Variants in JHY observed in about 807,000 individuals in gnomAD.
The protein encoded by JHY is jhy protein homolog.
A neutral mutation model predicts 78.0 loss-of-function variants in JHY; 69 were observed. That is an observed-to-expected ratio of 0.88 (90% CI 0.73 to 1.08). The LOEUF (loss-of-function observed/expected upper bound fraction) is 1.08, where lower values mean the gene tolerates loss of function less well. Ranked by LOEUF, JHY falls within the 50% of genes least tolerant of loss-of-function variation. The probability of loss-of-function intolerance (pLI) is 0.00; values close to 1 mark genes in which losing one functional copy is unlikely to be tolerated. For missense variants in JHY, 944 were observed against 927.8 expected, an observed-to-expected ratio of 1.02 and a Z score of -0.23; for synonymous variants, 368 against 342.6, an observed-to-expected ratio of 1.07 and a Z score of -0.82.
chr11:122,904,246 G>GAGC lies in JHY; in HGVS notation c.670_672dup (p.Ser224dup). The GAGC allele has an allele frequency of 6.2e-7, 1 of 1,614,146 alleles. No individual in the cohort carries two copies. The highest frequency in any genetic ancestry group is 1.1e-5 in the South Asian group (1 of 91,084). On this transcript the variant is annotated inframe_insertion, in exon 3 of 9. Coordinates refer to ENST00000227349, the MANE Select transcript of JHY (RefSeq NM_024806.4). The stretch of plus-strand genomic sequence containing the variant: ...GCGACAGTGACCTGGAGGAGAAGTC[G>GAGC]AGCAGCCTTTCTCCGTACGTGAAGA...
At chr11:122,892,992 C>T (rs981511367) in intron 2 of JHY, among the ~76,000 whole-genome samples, 8 of 152,162 alleles carry the variant, frequency 5.3e-5, no homozygotes, top group African/African-American at 1.2e-4. Context: ...TAGGAGCTTT[C>T]AGGAGTCAAC....
chr11:122,884,143 T>G (rs553477413), intron 1 of JHY, among the ~76,000 whole-genome samples: 1 of 152,310 alleles, frequency 6.6e-6, no homozygotes, highest in Admixed American at 6.5e-5. Context: ...TATTAGAGAA[T>G]AATATGTTAG....
Position 122,934,758 on chromosome 11 carries a change from C to T in JHY, c.1317C>T (p.Ser439=), listed in dbSNP as rs1408290793. The T allele has an allele frequency of 1.2e-6, 2 of 1,614,140 alleles. No individual in the cohort carries two copies. The highest frequency in any genetic ancestry group is 3.3e-5 in the Admixed American group (2 of 60,012). Residue 439 remains serine, a synonymous_variant, in exon 5 of 9, where the codon TCC becomes TCT. Coordinates refer to ENST00000227349, the MANE Select transcript of JHY (RefSeq NM_024806.4). ...GAAGCCACAATCTCAAAGAAACCTC[C>T]AATACATTTGCTCCACCAAAACAGG... ...ALRSHNLKET[S]NTFAPPKQAF... is the part of the protein sequence containing the mutation.
chr11:122,959,670 T>G lies in JHY; in HGVS notation c.*225T>G. The G allele has an allele frequency of 2.0e-6, 1 of 498,584 alleles. No homozygotes were observed. Among genetic ancestry groups the G allele is most frequent in the Non-Finnish European group, 3.5e-6 (1 of 282,870 alleles). The allele number at this position is 498,584 out of a possible 1,614,324, so 30.9% of individuals were successfully genotyped here. On this transcript the variant is annotated 3_prime_UTR_variant, in exon 9 of 9. Transcript: ENST00000227349. ...TTTAAATTATTTATTTTCAAATCAG[T>G]TAGAATTGGAGCTGAATAATAACTA...
intron 4 of JHY, among the ~76,000 whole-genome samples, chr11:122,931,834 G>T (rs183151560): frequency 3.9e-5 from 6 of 152,260 alleles, no homozygotes; most frequent in Admixed American, 6.5e-5. Flanking sequence ...GCTTTCACAG[G>T]GTCGGGGACA....
intron 3 of JHY, among the ~76,000 whole-genome samples, chr11:122,911,533 C>A (rs570273883): frequency 6.6e-6 from 1 of 152,110 alleles, no homozygotes; most frequent in Non-Finnish European, 1.5e-5. Context: ...TCCAGTCATA[C>A]GGCAAAGATA....
At chr11:122,908,780 C>G (rs1316119964) in intron 3 of JHY, among the ~76,000 whole-genome samples, 4 of 152,146 alleles carry the variant, frequency 2.6e-5, no homozygotes, top group Non-Finnish European at 5.9e-5. Flanking sequence ...CTCATTGCAG[C>G]CTCCGCCTCC....
chr11:122,936,098 G>A (rs1863750193), intron 5 of JHY, among the ~76,000 whole-genome samples: 1 of 152,178 alleles, frequency 6.6e-6, no homozygotes, highest in African/African-American at 2.4e-5. Flanking sequence ...CGATGTAGAT[G>A]TATAACTTCT....
Position 122,960,915 on chromosome 11 carries a change from A to C in JHY, c.*1470A>C, listed in dbSNP as rs958408053. The C allele has an allele frequency of 7.9e-5, 56 of 705,578 alleles. No homozygotes were observed. Among genetic ancestry groups the C allele is most frequent in the Admixed American group, 1.2e-4 (7 of 56,816 alleles). The allele number at this position is 705,578 out of a possible 1,614,324, so 43.7% of individuals were successfully genotyped here. On this transcript the variant is annotated 3_prime_UTR_variant, in exon 9 of 9. Transcript: ENST00000227349. ...GCATAGAGTGTATAAGGAAGTAAAG[A>C]ATCGCCTGGACTATCATATATCTGT... is the stretch of plus-strand genomic sequence containing the variant.
At position 122,942,278 on chromosome 11, in the gene JHY, G is replaced by C. The variant is rs373498323; in HGVS notation, c.1635-4220G>C. Among the ~76,000 whole-genome samples the C allele has an allele frequency of 1.1e-4, 16 of 152,024 alleles. No individual in the cohort carries two copies. In the South Asian group the frequency reaches 1.2e-3, roughly 12 times the overall value. Reference sequence around the variant, plus strand: ...TTTTTCTTGATCAGCCTTGCAAAAGGGTTGTCTATTTCATCTGTCATTTCA... The same window carrying C: ...TTTTTCTTGATCAGCCTTGCAAAAGCGTTGTCTATTTCATCTGTCATTTCA... On this transcript the variant is annotated intron_variant, in intron 5 of 8. Coordinates refer to ENST00000227349, the MANE Select transcript of JHY (RefSeq NM_024806.4).
chr11:122,953,179 T>A (rs761619779), intron 6 of JHY, among the ~76,000 whole-genome samples: 1 of 152,138 alleles, frequency 6.6e-6, no homozygotes, highest in Non-Finnish European at 1.5e-5. Flanking sequence ...TCTTAAATGT[T>A]CAACATTTAG....
At chr11:122,945,985 T>A (rs1319238365) in intron 5 of JHY, among the ~76,000 whole-genome samples, 1 of 152,208 alleles carries the variant, frequency 6.6e-6, no homozygotes, top group African/African-American at 2.4e-5. Flanking sequence ...TCTGATTCCC[T>A]GCCTCACACA....
chr11:122,933,023 T>C (rs934799798), intron 4 of JHY, among the ~76,000 whole-genome samples: 3 of 152,198 alleles, frequency 2.0e-5, no homozygotes, highest in Admixed American at 6.5e-5. Flanking sequence ...AAATATGATA[T>C]GATAAGTAAC....
At chr11:122,952,501 C>T (rs1864109935) in intron 6 of JHY, among the ~76,000 whole-genome samples, 2 of 152,196 alleles carry the variant, frequency 1.3e-5, no homozygotes, top group Admixed American at 1.3e-4. Flanking sequence ...ATAAGCACTT[C>T]ATCCATCCTG....
chr11:122,949,511 G>A (rs889104428), intron 6 of JHY, among the ~76,000 whole-genome samples: 4 of 152,134 alleles, frequency 2.6e-5, no homozygotes, highest in African/African-American at 9.7e-5. Flanking sequence ...GGCAGCAAGA[G>A]ATACTAACGA....
intron 6 of JHY, among the ~76,000 whole-genome samples, chr11:122,948,652 G>GTAA (rs982069863): frequency 6.6e-6 from 1 of 151,534 alleles, no homozygotes; most frequent in South Asian, 2.1e-4. Flanking sequence ...AATAATAAAA[G>GTAA]TAATAATAAT....
At chr11:122,893,106 C>T (rs1157437749) in intron 2 of JHY, among the ~76,000 whole-genome samples, 1 of 152,178 alleles carries the variant, frequency 6.6e-6, no homozygotes, top group African/African-American at 2.4e-5. Context: ...TCTTACAATA[C>T]ATTACACTAC....
chr11:122,954,271 C>T (rs1216010904), intron 6 of JHY, among the ~76,000 whole-genome samples: 3 of 152,166 alleles, frequency 2.0e-5, no homozygotes, highest in Non-Finnish European at 4.4e-5. Context: ...GCTACCACAG[C>T]CTTAAAGCTT....
At chr11:122,904,719 A>G (rs1324730727) in intron 3 of JHY, among the ~76,000 whole-genome samples, 1 of 152,230 alleles carries the variant, frequency 6.6e-6, no homozygotes, top group Non-Finnish European at 1.5e-5. Flanking sequence ...TATAATTGCT[A>G]TAAGTAATTA....
Sources: gnomAD v4.1 joint callset for allele counts (sites outside exome capture counted in the v4.1 genomes callset) on GRCh38, gnomAD v4.1.1 for gene constraint, MANE v1.5 for transcripts, NCBI Gene and HGNC (gene_info 2026-07-23, HGNC 2026-07-21) for gene names.